Variants in GRM1 observed in about 807,000 individuals in gnomAD.
GRM1 encodes metabotropic glutamate receptor 1.
GRM1 carries 33 observed loss-of-function variants against 90.9 expected under a neutral mutation model. The ratio of observed to expected loss-of-function variants is 0.36; its 90% CI spans 0.28 to 0.49. The LOEUF is 0.49. GRM1 is among the 20% of genes least tolerant of loss of function. The pLI is 0.99. For missense variants in GRM1, 1,190 were observed against 1,534.3 expected (o/e 0.78, Z 3.75); for synonymous variants, 700 against 613.2 (o/e 1.14, Z -2.09).
At chr6:146,196,351 T>TATCTC (rs1298835587) in intron 2 of GRM1, among the ~76,000 whole-genome samples, 1 of 149,530 alleles carries the variant, frequency 6.7e-6, no homozygotes, top group African/African-American at 2.5e-5. Context: ...GCAGTGGCAC[T>TATCTC]ATCTCGGCTC....
chr6:146,270,883 T>G (rs533038353), intron 2 of GRM1, among the ~76,000 whole-genome samples: 5 of 101,502 alleles, frequency 4.9e-5, no homozygotes, highest in African/African-American at 2.5e-4. Flanking sequence ...CTTTCTTTCT[T>G]TCTTTCTTTC....
At chr6:146,424,267 CT>C (rs1310212275) in intron 7 of GRM1, among the ~76,000 whole-genome samples, 8 of 152,248 alleles carry the variant, frequency 5.3e-5, no homozygotes, top group African/African-American at 1.9e-4. Flanking sequence ...GAGACAGCCA[CT>C]GCCATTCATT....
chr6:146,060,193 C>A (rs537744283), intron 1 of GRM1, among the ~76,000 whole-genome samples: 14 of 152,124 alleles, frequency 9.2e-5, no homozygotes, highest in African/African-American at 3.4e-4. Context: ...GGAAGATGTG[C>A]AACTCTTCCT....
At chr6:146,427,823 G>A (rs1177490769) in intron 7 of GRM1, among the ~76,000 whole-genome samples, 2 of 152,186 alleles carry the variant, frequency 1.3e-5, no homozygotes, top group Non-Finnish European at 2.9e-5. Context: ...AGTGTTTCTT[G>A]TATCATGGGG....
chr6:146,353,982 C>A (rs183019097), intron 4 of GRM1, among the ~76,000 whole-genome samples: 1 of 152,254 alleles, frequency 6.6e-6, no homozygotes, highest in Admixed American at 6.5e-5. Flanking sequence ...ACTGTTTGAC[C>A]CTAAGTAAGT....
chr6:146,183,779 G>C (rs1355335320), intron 2 of GRM1, among the ~76,000 whole-genome samples: 1 of 152,096 alleles, frequency 6.6e-6, no homozygotes, highest in Non-Finnish European at 1.5e-5. Context: ...ATCAGTTTCT[G>C]CTCCTTAGTC....
At chr6:146,190,695 T>C (rs1778906606) in intron 2 of GRM1, among the ~76,000 whole-genome samples, 1 of 152,168 alleles carries the variant, frequency 6.6e-6, no homozygotes. Context: ...ACCTCTTCAA[T>C]GGTTTTTTGG....
Position 146,157,366 on chromosome 6 carries a change from A to T in GRM1, c.701-1982A>T, listed in dbSNP as rs183259324. Among the ~76,000 whole-genome samples, 25 of 152,366 alleles carry T rather than the reference A, an allele frequency of 1.6e-4. No homozygotes were observed. In the East Asian group the frequency reaches 4.4e-3, roughly 27 times the overall value. ...AACAGGGAGATTATTGCTGATCTTGACAAAAGAAGATTTTGATAAGAGAAG... is the reference window on the plus strand; with the variant it reads ...AACAGGGAGATTATTGCTGATCTTGTCAAAAGAAGATTTTGATAAGAGAAG... On this transcript the variant is annotated intron_variant, in intron 1 of 7. Transcript: ENST00000282753.
At chr6:146,418,640 A>G (rs1223722000) in intron 7 of GRM1, among the ~76,000 whole-genome samples, 1 of 151,848 alleles carries the variant, frequency 6.6e-6, no homozygotes, top group African/African-American at 2.4e-5. Flanking sequence ...AATTTATAAT[A>G]AAAATAATTG....
At chr6:146,157,493 G>A (rs770695640) in intron 1 of GRM1, among the ~76,000 whole-genome samples, 56 of 152,134 alleles carry the variant, frequency 3.7e-4, no homozygotes, top group Non-Finnish European at 5.1e-4. Flanking sequence ...AAGACAAAGA[G>A]AAAAAAATGC....
At chr6:146,073,290 C>G (rs1350347607) in intron 1 of GRM1, among the ~76,000 whole-genome samples, 1 of 151,952 alleles carries the variant, frequency 6.6e-6, no homozygotes, top group Non-Finnish European at 1.5e-5. Context: ...GGGGCTGAGG[C>G]TTAAGAAGTC....
intron 6 of GRM1, among the ~76,000 whole-genome samples, chr6:146,397,112 G>T (rs568641708): frequency 5.9e-5 from 9 of 152,302 alleles, no homozygotes; most frequent in African/African-American, 1.9e-4. Context: ...CAAATAAGGA[G>T]TCTTCAAAAT....
At chr6:146,365,366 C>T (rs777189964) in intron 5 of GRM1, 1 of 152,232 alleles carries the variant, frequency 6.6e-6, no homozygotes, top group Non-Finnish European at 1.5e-5. Flanking sequence ...CTTCACCACT[C>T]CCACTCAGAC....
intron 3 of GRM1, among the ~76,000 whole-genome samples, chr6:146,328,625 T>C (rs553268781): frequency 1.6e-4 from 25 of 152,332 alleles, no homozygotes; most frequent in African/African-American, 5.3e-4. Flanking sequence ...CAACACTATT[T>C]TACTTATCTA....
At chr6:146,416,539 T>TG (rs1777791604) in intron 7 of GRM1, among the ~76,000 whole-genome samples, 1 of 152,202 alleles carries the variant, frequency 6.6e-6, no homozygotes, top group African/African-American at 2.4e-5. Flanking sequence ...TTTTTTCACA[T>TG]GCATTTCATT....
chr6:146,134,112 A>G (rs184554822), intron 1 of GRM1, among the ~76,000 whole-genome samples: 1 of 152,302 alleles, frequency 6.6e-6, no homozygotes, highest in Non-Finnish European at 1.5e-5. Context: ...TCTACCCGCT[A>G]TAGATGCCTA....
intron 3 of GRM1, among the ~76,000 whole-genome samples, chr6:146,328,277 A>G (rs1313178329): frequency 6.6e-6 from 1 of 152,150 alleles, no homozygotes; most frequent in Admixed American, 6.5e-5. Context: ...AGTGATACCC[A>G]CTACGCCTAA....
chr6:146,100,717 T>A, intron 1 of GRM1, among the ~76,000 whole-genome samples: 1 of 152,212 alleles, frequency 6.6e-6, no homozygotes, highest in East Asian at 1.9e-4. Flanking sequence ...TTGGCCTTTT[T>A]AACATACATA....
intron 5 of GRM1, among the ~76,000 whole-genome samples, chr6:146,381,502 A>G (rs1776316758): frequency 6.6e-6 from 1 of 152,176 alleles, no homozygotes; most frequent in Non-Finnish European, 1.5e-5. Flanking sequence ...TAGAGGGTGG[A>G]GAAAGGGTGG....
Sources: gnomAD v4.1 joint callset for allele counts (sites outside exome capture counted in the v4.1 genomes callset) on GRCh38, gnomAD v4.1.1 for gene constraint, MANE v1.5 for transcripts, NCBI Gene and HGNC (gene_info 2026-07-23, HGNC 2026-07-21) for gene names.